The following ATP2B4 variants were observed in gnomAD, a reference collection of about 807,000 sequenced individuals.
The protein encoded by ATP2B4 is ATPase plasma membrane Ca2+ transporting 4, also known as plasma membrane calcium-transporting ATPase 4.
ATP2B4 carries 39 observed loss-of-function variants against 110.3 expected under a neutral mutation model. That is an observed-to-expected ratio of 0.35 (90% confidence interval 0.27 to 0.46). The LOEUF (loss-of-function observed/expected upper bound fraction) is 0.46. Ranked by LOEUF, ATP2B4 falls within the 20% of genes least tolerant of loss-of-function variation. The pLI is 1.00. For synonymous variants in ATP2B4, 538 were observed against 571.7 expected, an observed-to-expected ratio of 0.94 and a Z score of 0.84; for missense variants, 1,135 against 1,530.9, an observed-to-expected ratio of 0.74 and a Z score of 4.32.
At chr1:203,719,896 C>A (rs972236306) in intron 15 of ATP2B4, among the ~76,000 whole-genome samples, 3 of 151,740 alleles carry the variant, frequency 2.0e-5, no homozygotes, top group Admixed American at 6.6e-5. Context: ...TATAGAGAGA[C>A]CCCCATGTCT....
At chr1:203,650,226 G>A (rs1254590376) in intron 1 of ATP2B4, among the ~76,000 whole-genome samples, 1 of 152,178 alleles carries the variant, frequency 6.6e-6, no homozygotes, top group South Asian at 2.1e-4. Context: ...AAGGACGGGC[G>A]CTCCCGGGGA....
In ATP2B4 at chr1:203,739,662, G is replaced by A. The variant is rs371849920; in HGVS notation, c.3426G>A (p.Leu1142=). 66 of 1,614,008 alleles carry A rather than the reference G, an allele frequency of 4.1e-5. No homozygotes were observed. The African/African-American group carries it at 7.6e-4, about 19-fold the overall frequency. ...THPEFAIEEE[L]PRTPLLDEEE... is the part of the protein sequence containing the mutation. ...CTGAATTCGCCATAGAGGAGGAGTT[G>A]CCACGAACACCACTCCTGGATGAGG... The change falls in exon 21 of 21, where the codon TTG becomes TTA. Residue 1142 remains leucine, a synonymous_variant. Transcript: ENST00000357681.
chr1:203,707,279 AC>A, intron 9 of ATP2B4, 56 bp downstream of exon 9: 1 of 1,503,750 alleles, frequency 6.7e-7, no homozygotes, highest in Non-Finnish European at 9.1e-7. Context: ...AGAGAAGGGT[AC>A]CATGTAACCT....
chr1:203,719,325 A>ATCGCCT (rs1553250725), intron 15 of ATP2B4, among the ~76,000 whole-genome samples: 1 of 151,172 alleles, frequency 6.6e-6, no homozygotes, highest in Non-Finnish European at 1.5e-5. Context: ...TTCCACCCTC[A>ATCGCCT]TTGCCTTTGC....
Position 203,740,892 on chromosome 1 carries a change from C to T in ATP2B4, c.*1038C>T, listed in dbSNP as rs1457777162. 3 of 152,248 alleles carry T rather than the reference C, an allele frequency of 2.0e-5. No individual in the cohort carries two copies. The highest frequency in any genetic ancestry group is 7.2e-5 in the African/African-American group (3 of 41,458). The allele number at this position is 152,248 out of a possible 1,614,324, so 9.4% of individuals were successfully genotyped here. ...CCATCAAAGCAGACTTTTGTGGGCT[C>T]CTCTTTGGGGTGACCACTGCTTTCA... On this transcript the variant is annotated 3_prime_UTR_variant, in exon 21 of 21. Transcript: ENST00000357681.
rs774096766 is a variant in ATP2B4, at chr1:203,683,320, G to A, written c.115G>A (p.Asp39Asn). ...LRKLMELRSR[D>N]ALTQINVHYG... Reference sequence around the variant, plus strand: ...GAAGCTCATGGAGCTGCGTTCAAGGGATGCACTGACCCAGATTAATGTCCA... The same window carrying A: ...GAAGCTCATGGAGCTGCGTTCAAGGAATGCACTGACCCAGATTAATGTCCA... Residue 39 changes from aspartate (D) to asparagine (N), a missense_variant, in exon 2 of 21, where the codon GAT becomes AAT. By Grantham distance (23) the Asp-to-Asn change is conservative. Transcript: ENST00000357681. 4 of 1,614,188 alleles carry A rather than the reference G, an allele frequency of 2.5e-6. No individual in the cohort carries two copies. The highest frequency in any genetic ancestry group is 2.5e-6 in the Non-Finnish European group (3 of 1,180,042).
At chr1:203,678,955 A>G (rs1664913953) in intron 1 of ATP2B4, among the ~76,000 whole-genome samples, 1 of 152,226 alleles carries the variant, frequency 6.6e-6, no homozygotes, top group Non-Finnish European at 1.5e-5. Flanking sequence ...AACAGATGTT[A>G]TAGGAATTTA....
chr1:203,743,886 T>C lies in ATP2B4; in HGVS notation c.*4032T>C, dbSNP rs1571790068. On this transcript the variant is annotated 3_prime_UTR_variant, in exon 21 of 21. Transcript: ENST00000357681. ...TAAGCTCTATGTACAAGGTTTTGCATGTATTTATATGGTTCTTAGGGAAAA... is the reference window on the plus strand; with the variant it reads ...TAAGCTCTATGTACAAGGTTTTGCACGTATTTATATGGTTCTTAGGGAAAA... 6.6e-6 allele frequency: 1 copy of C among 152,540 alleles called. No individual in the cohort carries two copies. The highest frequency in any genetic ancestry group is 6.5e-5 in the Admixed American group (1 of 15,278). The allele number at this position is 152,540 out of a possible 1,614,324, so 9.4% of individuals were successfully genotyped here. A position where few individuals can be genotyped will look rare whatever the true frequency, so the allele number is the denominator to read the frequency against.
chr1:203,704,701 G>A (rs1267294006), intron 8 of ATP2B4, among the ~76,000 whole-genome samples: 1 of 151,722 alleles, frequency 6.6e-6, no homozygotes, highest in African/African-American at 2.4e-5. Context: ...GGCTGGTCTC[G>A]AACTCCTGGT....
chr1:203,663,291 G>T lies in ATP2B4; in HGVS notation c.-464-19451G>T, dbSNP rs556348208. Among the ~76,000 whole-genome samples, 6 of 152,202 alleles carry T rather than the reference G, an allele frequency of 3.9e-5. No homozygotes were observed. The East Asian group carries it at 1.2e-3, about 29-fold the overall frequency. ...TCTGCGGACTGGGAATTCCCTAAGG[G>T]AAAGAGCCTTCTTCCTTTCTTTTTC... On this transcript the variant is annotated intron_variant, in intron 1 of 20. Coordinates refer to ENST00000357681, the MANE Select transcript of ATP2B4 (RefSeq NM_001684.5).
At chr1:203,735,846 AGT>A (rs1228456697) in intron 20 of ATP2B4, among the ~76,000 whole-genome samples, 1 of 152,126 alleles carries the variant, frequency 6.6e-6, no homozygotes, top group Non-Finnish European at 1.5e-5. Context: ...AGGAAGGGTT[AGT>A]GTCAGATATC....
At chr1:203,713,499 C>T (rs1297254526) in intron 14 of ATP2B4, among the ~76,000 whole-genome samples, 1 of 152,070 alleles carries the variant, frequency 6.6e-6, no homozygotes, top group Non-Finnish European at 1.5e-5. Flanking sequence ...GAGTCTTGCT[C>T]TGTCACCCAG....
chr1:203,682,345 A>G (rs1174697670), intron 1 of ATP2B4, among the ~76,000 whole-genome samples: 1 of 152,180 alleles, frequency 6.6e-6, no homozygotes, highest in African/African-American at 2.4e-5. Flanking sequence ...ACCTCTTCTC[A>G]TCTTTTATAG....
intron 1 of ATP2B4, among the ~76,000 whole-genome samples, chr1:203,670,105 T>C (rs1212438125): frequency 1.3e-5 from 2 of 152,234 alleles, no homozygotes; most frequent in African/African-American, 4.8e-5. Context: ...CACTGAAATA[T>C]GTCTGCATCT....
At chr1:203,727,963 T>G (rs937634279) in intron 20 of ATP2B4, among the ~76,000 whole-genome samples, 1 of 152,194 alleles carries the variant, frequency 6.6e-6, no homozygotes, top group Non-Finnish European at 1.5e-5. Flanking sequence ...AATATCAATA[T>G]GCCAACATAC....
At chr1:203,648,768 C>G (rs1181283441) in intron 1 of ATP2B4, among the ~76,000 whole-genome samples, 1 of 152,182 alleles carries the variant, frequency 6.6e-6, no homozygotes, top group Non-Finnish European at 1.5e-5. Flanking sequence ...TTCCTCCTTT[C>G]TGGGCATCTT....
chr1:203,698,185 G>A lies in ATP2B4; in HGVS notation c.222G>A (p.Glu74=). The A allele has an allele frequency of 6.2e-7, 1 of 1,614,156 alleles. No homozygotes were observed. Among genetic ancestry groups the A allele is most frequent in the Non-Finnish European group, 8.5e-7 (1 of 1,180,034 alleles). The part of the protein sequence containing the change: ...EGLSGNPADL[E]KRRQVFGHNV... ...TGTCTGGGAACCCTGCAGATCTGGAGAAACGTAGGCAGGTGTTTGGACACA... is the reference window on the plus strand; with the variant it reads ...TGTCTGGGAACCCTGCAGATCTGGAAAAACGTAGGCAGGTGTTTGGACACA... The change falls in exon 3 of 21, where the codon GAG becomes GAA. Residue 74 remains glutamate (E), a synonymous_variant. Transcript: ENST00000357681.
chr1:203,666,777 T>C (rs1171332915), intron 1 of ATP2B4, among the ~76,000 whole-genome samples: 2 of 152,190 alleles, frequency 1.3e-5, no homozygotes, highest in South Asian at 4.1e-4. Context: ...CTCTTGAAAC[T>C]ATTCCCTTAG....
In ATP2B4 at chr1:203,714,277, G is replaced by C; in HGVS notation, c.2406G>C (p.Met802Ile). Residue 802 changes from methionine to isoleucine, a missense_variant and splice_region_variant, in exon 15 of 21, where the codon ATG becomes ATC. Coordinates refer to ENST00000357681, the MANE Select transcript of ATP2B4 (RefSeq NM_001684.5). ...ALKKADVGFA[M>I]GIAGTDVAKE... ...AGAAAGCGGATGTTGGTTTTGCCAT[G>C]GTAAGCTCAGCACAGTGTCTCTCTG... 1 of 1,614,050 alleles carries C rather than the reference G, an allele frequency of 6.2e-7. No individual in the cohort carries two copies. Among genetic ancestry groups the C allele is most frequent in the Non-Finnish European group, 8.5e-7 (1 of 1,179,996 alleles).
Sources: allele counts gnomAD v4.1 joint callset (sites outside exome capture counted in the v4.1 genomes callset), GRCh38; gene constraint gnomAD v4.1.1; transcripts MANE v1.5; gene names NCBI Gene and HGNC (gene_info 2026-07-23, HGNC 2026-07-21).